The following SOX6 variants were observed in gnomAD, a reference collection of about 807,000 sequenced individuals.
SOX6 encodes SRY-box transcription factor 6.
Under a neutral mutation model 97.8 loss-of-function variants are expected in SOX6, and 11 were observed. That is an observed-to-expected ratio of 0.11 (90% CI 0.07 to 0.19). The LOEUF (loss-of-function observed/expected upper bound fraction) is 0.19, where lower values mean the gene tolerates loss of function less well. Among genes scored for constraint, SOX6 ranks in the 10% least tolerant of loss-of-function variants. The pLI, the probability that SOX6 is intolerant of heterozygous loss-of-function variation, is 1.00. For synonymous variants in SOX6, 360 were observed against 371.4 expected, an observed-to-expected ratio of 0.97 and a Z score of 0.35; for missense variants, 810 against 1,039.5, an observed-to-expected ratio of 0.78 and a Z score of 3.04.
intron 3 of SOX6, among the ~76,000 whole-genome samples, chr11:16,662,704 T>A (rs1220101054): frequency 1.3e-5 from 2 of 152,198 alleles, no homozygotes; most frequent in African/African-American, 4.8e-5. Flanking sequence ...AAAAACTTTT[T>A]TTCTTTTCAG....
chr11:16,439,621 A>G (rs1025110278), intron 1 of SOX6, among the ~76,000 whole-genome samples: 2 of 152,232 alleles, frequency 1.3e-5, no homozygotes, highest in Admixed American at 6.5e-5. Context: ...TTTATCTCTC[A>G]AAGTATAGCC....
intron 1 of SOX6, among the ~76,000 whole-genome samples, chr11:16,421,697 T>C (rs1241330682): frequency 6.6e-6 from 1 of 152,236 alleles, no homozygotes; most frequent in Non-Finnish European, 1.5e-5. Context: ...ATGACTGTTC[T>C]TGTTCTTTTC....
At chr11:16,111,749 T>A (rs993845350) in intron 7 of SOX6, 54 bp downstream of exon 7, 5 of 1,607,812 alleles carry the variant, frequency 3.1e-6, no homozygotes, top group African/African-American at 2.7e-5. Context: ...GTACTAAGCA[T>A]AAACATGCAG....
intron 4 of SOX6, 84 bp downstream of exon 4, chr11:16,234,498 A>G: frequency 1.3e-6 from 1 of 771,854 alleles, no homozygotes; most frequent in Non-Finnish European, 2.2e-6. Context: ...TTACTGTTAC[A>G]GTACAGAAGA....
At position 16,076,405 on chromosome 11, in the gene SOX6, C is replaced by CA. The variant is rs34417959; in HGVS notation, c.1101+19590dup. On this transcript the variant is annotated intron_variant, in intron 9 of 15. Coordinates refer to ENST00000683767, the MANE Select transcript of SOX6 (RefSeq NM_001367873.1). Reference sequence around the variant, plus strand: ...TCTATAAGGAACTTAAATCAATAAGCAAAAAAAAAAAAAAAGAACCCCAGT... The same window carrying CA: ...TCTATAAGGAACTTAAATCAATAAGCAAAAAAAAAAAAAAAAGAACCCCAGT... Among the ~76,000 whole-genome samples the CA allele has an allele frequency of 5.6e-3, 512 of 91,514 alleles. 3 individuals carry two copies. Among genetic ancestry groups the CA allele is most frequent in the South Asian group, 7.0e-3 (20 of 2,860 alleles). 60.0% of individuals were successfully genotyped at this position (91,514 alleles called of 152,430 possible).
In SOX6 at chr11:16,407,451, G is replaced by A. The variant is rs141723869; in HGVS notation, c.-4-66199C>T. 1.3e-3 allele frequency among the ~76,000 whole-genome samples: 194 copies of A among 152,224 alleles called. 1 individual carries two copies. Among genetic ancestry groups the A allele is most frequent in the African/African-American group, 4.6e-3 (191 of 41,538 alleles). ...TATTCTGTTTCTACAAAAGATGAAT[G>A]AGGAAAGTATCCACGATGATTGCAT... On this transcript the variant is annotated intron_variant, in intron 1 of 15. Coordinates refer to the SOX6 transcript ENST00000396356.
At chr11:16,531,757 C>A (rs1250470634) in intron 4 of SOX6, among the ~76,000 whole-genome samples, 1 of 151,910 alleles carries the variant, frequency 6.6e-6, no homozygotes, top group African/African-American at 2.4e-5. Context: ...TTCACTCATA[C>A]TCGCTAATCT....
intron 4 of SOX6, among the ~76,000 whole-genome samples, chr11:16,211,302 G>T (rs566282307): frequency 5.4e-4 from 82 of 152,088 alleles, no homozygotes; most frequent in African/African-American, 1.9e-3. Context: ...AGGTTAGTCT[G>T]GCTTCTGTGT....
At chr11:16,372,477 G>C (rs2134394854) in intron 1 of SOX6, among the ~76,000 whole-genome samples, 1 of 152,198 alleles carries the variant, frequency 6.6e-6, no homozygotes, top group African/African-American at 2.4e-5. Context: ...AAGGTTGTTA[G>C]AAGTCACCAG....
At chr11:16,542,344 T>C (rs1403096598) in intron 4 of SOX6, among the ~76,000 whole-genome samples, 1 of 152,060 alleles carries the variant, frequency 6.6e-6, no homozygotes, top group Non-Finnish European at 1.5e-5. Flanking sequence ...GGGATAGCAT[T>C]AGGAGAAATA....
chr11:16,094,820 T>C (rs974392340), intron 9 of SOX6, among the ~76,000 whole-genome samples: 2 of 151,854 alleles, frequency 1.3e-5, no homozygotes, highest in Non-Finnish European at 2.9e-5. Flanking sequence ...CCTCTCTACC[T>C]CTTATGTCAA....
At chr11:16,334,832 GA>G (rs1380794034) in intron 2 of SOX6, among the ~76,000 whole-genome samples, 3 of 152,058 alleles carry the variant, frequency 2.0e-5, no homozygotes, top group Admixed American at 1.3e-4. Context: ...TAAGAATCAT[GA>G]AAAAATAATT....
chr11:16,657,635 T>A (rs1441993215), intron 3 of SOX6, among the ~76,000 whole-genome samples: 1 of 152,238 alleles, frequency 6.6e-6, no homozygotes, highest in Non-Finnish European at 1.5e-5. Flanking sequence ...TGTTGCTGTT[T>A]GTTGAGGTGG....
chr11:16,233,849 A>ATAC (rs1852931299), intron 4 of SOX6, among the ~76,000 whole-genome samples: 1 of 151,916 alleles, frequency 6.6e-6, no homozygotes, highest in Non-Finnish European at 1.5e-5. Context: ...TCCACTAAAA[A>ATAC]TACAAAAATT....
intron 1 of SOX6, among the ~76,000 whole-genome samples, chr11:16,460,054 A>G (rs558189525): frequency 9.9e-5 from 15 of 152,034 alleles, no homozygotes; most frequent in East Asian, 1.9e-4. Context: ...TAAGGGGGGG[A>G]AAAAAGCAGC....
intron 12 of SOX6, among the ~76,000 whole-genome samples, chr11:16,029,642 A>T (rs1275635179): frequency 1.3e-5 from 2 of 151,904 alleles, no homozygotes; most frequent in African/African-American, 4.9e-5. Flanking sequence ...TCTCAAAAAA[A>T]AAAACAAAAA....
chr11:16,349,717 AAGGAAG>A (rs1856878367), intron 1 of SOX6, among the ~76,000 whole-genome samples: 1 of 76,558 alleles, frequency 1.3e-5, no homozygotes, highest in Non-Finnish European at 2.9e-5. Flanking sequence ...AGGAAGGAAG[AAGGAAG>A]GAAGGAAGGA....
In SOX6 at chr11:16,186,968, C is replaced by G. The variant is rs997642174; in HGVS notation, c.536-13G>C. 1.2e-6 allele frequency: 2 copies of G among 1,613,438 alleles called. No homozygotes were observed. The highest frequency in any genetic ancestry group is 2.7e-5 in the African/African-American group (2 of 74,824). ...CTCTCAGGTGTACCTAAAATGGAAG[C>G]AAGAAGAGATCTCACAAGCTTGAGA... is the stretch of plus-strand genomic sequence containing the variant. On this transcript the variant is annotated splice_polypyrimidine_tract_variant and intron_variant, in intron 4 of 15. Transcript: ENST00000683767.
At chr11:16,116,549 AAGAATACAG>A (rs1252939575) in intron 6 of SOX6, among the ~76,000 whole-genome samples, 2 of 152,204 alleles carry the variant, frequency 1.3e-5, no homozygotes, top group Non-Finnish European at 2.9e-5. Context: ...GGTTGTAATA[AAGAATACAG>A]AGAGATCACA....
Sources: allele counts gnomAD v4.1 joint callset (sites outside exome capture counted in the v4.1 genomes callset), GRCh38; gene constraint gnomAD v4.1.1; transcripts MANE v1.5; gene names NCBI Gene and HGNC (gene_info 2026-07-23, HGNC 2026-07-21).